Variants in NOSTRIN observed in about 807,000 individuals in gnomAD.
The protein encoded by NOSTRIN is nitric oxide synthase trafficking.
Under a neutral mutation model 59.0 loss-of-function variants are expected in NOSTRIN, and 63 were observed. That is an observed-to-expected ratio of 1.07 (90% CI 0.87 to 1.32). The LOEUF is 1.32. Among genes scored for constraint, NOSTRIN ranks in the 40% most tolerant of loss-of-function variants. The pLI, the probability that NOSTRIN is intolerant of heterozygous loss-of-function variation, is 0.00. For synonymous variants in NOSTRIN, 200 were observed against 165.4 expected, an observed-to-expected ratio of 1.21 and a Z score of -1.61; for missense variants, 512 against 473.1, an observed-to-expected ratio of 1.08 and a Z score of -0.76.
chr2:168,816,488 C>G (rs1170525713), intron 2 of NOSTRIN, among the ~76,000 whole-genome samples: 1 of 152,146 alleles, frequency 6.6e-6, no homozygotes, highest in Admixed American at 6.5e-5. Flanking sequence ...CACTCACACT[C>G]CTGCATCACC....
intron 10 of NOSTRIN, among the ~76,000 whole-genome samples, chr2:168,855,107 A>G (rs999951120): frequency 3.3e-5 from 5 of 152,190 alleles, no homozygotes; most frequent in Admixed American, 6.5e-5. Context: ...TCAAAGAACA[A>G]TCTGCTCTAT....
intron 7 of NOSTRIN, among the ~76,000 whole-genome samples, chr2:168,837,269 CT>C (rs201670059): frequency 4.1e-4 from 32 of 78,138 alleles, no homozygotes; most frequent in East Asian, 3.8e-3. Flanking sequence ...TACAATACAT[CT>C]TTTTTTTTTA....
At chr2:168,801,205 C>T (rs899033127), upstream of NOSTRIN, 12 of 151,106 alleles carry the variant, frequency 7.9e-5, no homozygotes, top group Non-Finnish European at 1.2e-4. Context: ...TGTTGCAAGG[C>T]AAGTTCTTTT....
At chr2:168,848,842 A>G (rs1020145509) in intron 8 of NOSTRIN, among the ~76,000 whole-genome samples, 1 of 152,198 alleles carries the variant, frequency 6.6e-6, no homozygotes, top group African/African-American at 2.4e-5. Context: ...CAAGATGAAA[A>G]AAGTTTTAGA....
At chr2:168,845,261 C>T (rs192321777) in intron 8 of NOSTRIN, among the ~76,000 whole-genome samples, 1 of 152,314 alleles carries the variant, frequency 6.6e-6, no homozygotes, top group East Asian at 1.9e-4. Flanking sequence ...CACCTCACCT[C>T]ATCACTTCCT....
chr2:168,844,056 C>T (rs1170170837), intron 8 of NOSTRIN, among the ~76,000 whole-genome samples: 1 of 152,168 alleles, frequency 6.6e-6, no homozygotes, highest in Admixed American at 6.5e-5. Flanking sequence ...CATGAATTAA[C>T]CTCGAAAAAC....
At chr2:168,856,635 C>A in intron 11 of NOSTRIN, 55 bp from the exon 12 acceptor site, 1 of 1,501,374 alleles carries the variant, frequency 6.7e-7, no homozygotes, top group South Asian at 1.1e-5. Flanking sequence ...CGACTCCTGG[C>A]TGTGTCCCAC....
At chr2:168,822,530 A>C (rs1340119510) in intron 2 of NOSTRIN, among the ~76,000 whole-genome samples, 1 of 152,242 alleles carries the variant, frequency 6.6e-6, no homozygotes, top group Non-Finnish European at 1.5e-5. Flanking sequence ...ATAATAAATA[A>C]TTCTAAAATA....
intron 1 of NOSTRIN, among the ~76,000 whole-genome samples, chr2:168,807,607 A>G (rs1282887666): frequency 2.0e-5 from 3 of 152,198 alleles, no homozygotes; most frequent in African/African-American, 7.2e-5. Flanking sequence ...ACAAGTATGA[A>G]GATCTTCTCA....
chr2:168,819,885 T>A (rs143442163), intron 2 of NOSTRIN, among the ~76,000 whole-genome samples: 387 of 152,234 alleles, frequency 2.5e-3, no homozygotes, highest in African/African-American at 8.5e-3. Context: ...CTTCCCACTT[T>A]GCCAGACCCT....
chr2:168,854,293 C>A (rs1688947349), intron 10 of NOSTRIN, among the ~76,000 whole-genome samples: 1 of 152,184 alleles, frequency 6.6e-6, no homozygotes, highest in African/African-American at 2.4e-5. Flanking sequence ...GTTTGTGAAG[C>A]TCCATCTAAA....
Position 168,856,671 on chromosome 2 carries a change from A to G in NOSTRIN, c.965-19A>G. On this transcript the variant is annotated intron_variant, in intron 11 of 15. Coordinates refer to ENST00000317647, the MANE Select transcript of NOSTRIN (RefSeq NM_001039724.4). ...TGAGACAGTGTGAAAGGTGACTGAGAACATGATTTCATTTTCAGGCCTGGA... is the reference window on the plus strand; with the variant it reads ...TGAGACAGTGTGAAAGGTGACTGAGGACATGATTTCATTTTCAGGCCTGGA... 1.2e-6 allele frequency: 2 copies of G among 1,611,390 alleles called. No homozygotes were observed. The highest frequency in any genetic ancestry group is 1.7e-4 in the Middle Eastern group (1 of 6,054).
At chr2:168,862,152 T>A in intron 15 of NOSTRIN, 103 bp downstream of exon 15, 1 of 928,302 alleles carries the variant, frequency 1.1e-6, no homozygotes. Context: ...TACTACCATG[T>A]CAAATCAGTT....
chr2:168,838,318 C>A (rs1687859180), intron 7 of NOSTRIN, among the ~76,000 whole-genome samples: 1 of 152,212 alleles, frequency 6.6e-6, no homozygotes, highest in South Asian at 2.1e-4. Flanking sequence ...CAGCTCACTG[C>A]AACCTCTGCC....
chr2:168,863,856 C>CATAGAA (rs1277931416), intron 15 of NOSTRIN, among the ~76,000 whole-genome samples: 1 of 152,068 alleles, frequency 6.6e-6, no homozygotes, highest in African/African-American at 2.4e-5. Context: ...CCATCAGCTA[C>CATAGAA]ATAGAAATAG....
rs569082174 is a variant in NOSTRIN, at chr2:168,864,227, G to T, written c.1385-607G>T. 4.0e-5 allele frequency among the ~76,000 whole-genome samples: 6 copies of T among 151,304 alleles called. No homozygotes were observed. In the South Asian group the frequency reaches 1.0e-3, roughly 26 times the overall value. On this transcript the variant is annotated intron_variant, in intron 15 of 15. Transcript: ENST00000317647. The stretch of plus-strand genomic sequence containing the variant: ...AAGTAATCTGCCTAATCTGCCCATC[G>T]CGGCCTCCCAACGTGCTGGGATTAC...
chr2:168,811,498 T>A, intron 1 of NOSTRIN, 69 bp from the exon 2 acceptor site: 1 of 614,320 alleles, frequency 1.6e-6, no homozygotes, highest in African/African-American at 1.9e-5. Context: ...AATTTATAGG[T>A]GCTCTATCTT....
intron 2 of NOSTRIN, among the ~76,000 whole-genome samples, chr2:168,792,065 A>G (rs558095394): frequency 6.6e-6 from 1 of 152,224 alleles, no homozygotes; most frequent in South Asian, 2.1e-4. Context: ...GCCCATGCCT[A>G]TGTCCTGAAT....
chr2:168,849,096 G>A (rs1354065282), intron 8 of NOSTRIN, among the ~76,000 whole-genome samples: 1 of 152,146 alleles, frequency 6.6e-6, no homozygotes, highest in Admixed American at 6.6e-5. Context: ...GGTGAGCAAG[G>A]AGAACCCAGT....
Sources: gnomAD v4.1 joint callset for allele counts (sites outside exome capture counted in the v4.1 genomes callset) on GRCh38, gnomAD v4.1.1 for gene constraint, MANE v1.5 for transcripts, NCBI Gene and HGNC (gene_info 2026-07-23, HGNC 2026-07-21) for gene names.